LAD1: variants seen among roughly 807,000 people sequenced by gnomAD.
LAD1 encodes ladinin-1.
Under a neutral mutation model 54.2 loss-of-function variants are expected in LAD1, and 53 were observed. The observed-to-expected ratio is 0.98, with a 90% CI of 0.78 to 1.23. LAD1 has a LOEUF of 1.23. Among genes scored for constraint, LAD1 ranks in the 50% most tolerant of loss-of-function variants. The probability of loss-of-function intolerance (pLI) is 0.00; values close to 1 mark genes in which losing one functional copy is unlikely to be tolerated. For synonymous variants in LAD1, 231 were observed against 257.7 expected (o/e 0.90, Z 0.99); for missense variants, 637 against 653.3 (o/e 0.98, Z 0.27).
intron 1 of LAD1, among the ~76,000 whole-genome samples, chr1:201,395,084 G>T (rs1447144284): frequency 6.6e-6 from 1 of 152,196 alleles, no homozygotes; most frequent in African/African-American, 2.4e-5. Context: ...AGACCCCATA[G>T]CTCACCCAAG....
At chr1:201,385,926 C>A in intron 3 of LAD1, 121 bp from the exon 4 acceptor site, 2 of 734,410 alleles carry the variant, frequency 2.7e-6, no homozygotes, top group Non-Finnish European at 2.4e-6. Flanking sequence ...CAGCCCTGTG[C>A]CTTCTCTCCT....
At chr1:201,382,063 C>T (rs188925950) in intron 9 of LAD1, among the ~76,000 whole-genome samples, 170 bp from the exon 10 acceptor site, 1 of 152,204 alleles carries the variant, frequency 6.6e-6, no homozygotes, top group African/African-American at 2.4e-5. Flanking sequence ...CTGCAGGCAG[C>T]ACAACCAGGT....
chr1:201,393,034 T>A (rs2102359976), intron 1 of LAD1, among the ~76,000 whole-genome samples: 1 of 152,006 alleles, frequency 6.6e-6, no homozygotes, highest in Non-Finnish European at 1.5e-5. Flanking sequence ...ACTGCTAGAT[T>A]TTGGGCCCAA....
chr1:201,398,924 G>A (rs1230856114), intron 1 of LAD1, among the ~76,000 whole-genome samples: 1 of 152,200 alleles, frequency 6.6e-6, no homozygotes, highest in African/African-American at 2.4e-5. Context: ...TCTCAGGAAT[G>A]AGGCTTGGAG....
chr1:201,386,273 C>T, intron 3 of LAD1, 62 bp downstream of exon 3: 1 of 1,347,012 alleles, frequency 7.4e-7, no homozygotes, highest in South Asian at 2.0e-5. Flanking sequence ...CTGGGTGGGA[C>T]TGGCCGGCAG....
intron 1 of LAD1, among the ~76,000 whole-genome samples, chr1:201,398,467 A>G (rs959227920): frequency 3.3e-5 from 5 of 152,032 alleles, no homozygotes; most frequent in African/African-American, 1.2e-4. Context: ...CCAGTGGAGG[A>G]ATGAGGTGAA....
intron 3 of LAD1, 33 bp from the exon 4 acceptor site, chr1:201,385,838 G>C (rs1321934359): frequency 1.3e-6 from 2 of 1,506,588 alleles, no homozygotes; most frequent in South Asian, 2.3e-5. Context: ...CACATAAGAG[G>C]TCTAGGGCCC....
Position 201,382,374 on chromosome 1 carries a change from A to G in LAD1, c.1474-48T>C, listed in dbSNP as rs570301431. Reference sequence around the variant, plus strand: ...AGACCAGAGACTAAGACCAGGCTCCAAAGGGCTCGGGATACCCCAGGCCCA... The same window carrying G: ...AGACCAGAGACTAAGACCAGGCTCCGAAGGGCTCGGGATACCCCAGGCCCA... On this transcript the variant is annotated intron_variant, in intron 8 of 9. Transcript: ENST00000391967. 3.4e-6 allele frequency: 5 copies of G among 1,466,092 alleles called. No homozygotes were observed. In the African/African-American group the frequency reaches 6.9e-5, roughly 20 times the overall value. The allele number at this position is 1,466,092 out of a possible 1,614,324, so 90.8% of individuals were successfully genotyped here.
At chr1:201,391,081 T>C (rs1192269390) in intron 1 of LAD1, 2 of 456,158 alleles carry the variant, frequency 4.4e-6, no homozygotes, top group Admixed American at 2.4e-5. Flanking sequence ...CATTTACCCA[T>C]GGAAAAAACT....
chr1:201,397,058 C>A lies in LAD1; in HGVS notation c.38+2211G>T, dbSNP rs556806899. ...CAGCCAGCCAGCTCACCACTGCCCCCCCAATCCCAGGGTTGGAAGACTTGA... is the reference window on the plus strand; with the variant it reads ...CAGCCAGCCAGCTCACCACTGCCCCACCAATCCCAGGGTTGGAAGACTTGA... On this transcript the variant is annotated intron_variant, in intron 1 of 9. Transcript: ENST00000391967. 6.6e-5 allele frequency among the ~76,000 whole-genome samples: 10 copies of A among 152,330 alleles called. No individual in the cohort carries two copies. In the South Asian group the frequency reaches 2.1e-3, roughly 32 times the overall value.
At chr1:201,384,883 CGGT>C (rs1662042544) in intron 4 of LAD1, 48 bp from the exon 5 acceptor site, 3 of 1,596,218 alleles carry the variant, frequency 1.9e-6, no homozygotes, top group Non-Finnish European at 2.6e-6. Flanking sequence ...CCCGGGAAAT[CGGT>C]GGCCCCCTCG....
At position 201,386,976 on chromosome 1, in the gene LAD1, G is replaced by A. The variant is rs1179320868; in HGVS notation, c.385C>T (p.Gln129Ter). The change falls in exon 3 of 10, where the codon CAG becomes TAG. Residue 129 changes from glutamine (Q) to a stop codon, truncating the protein, a stop_gained. Coordinates refer to ENST00000391967, the MANE Select transcript of LAD1 (RefSeq NM_005558.4). LOFTEE classifies it high-confidence loss of function. The stretch of plus-strand genomic sequence containing the variant: ...TCCTTCTTGGAGACTAGGGGTTTCT[G>A]TGTGGCCTGCACAGGGCTCAAGCTG... ...RNSLSPVQAT[Q>*]KPLVSKKELE... 3 of 1,609,304 alleles carry A rather than the reference G, an allele frequency of 1.9e-6. No individual in the cohort carries two copies. Among genetic ancestry groups the A allele is most frequent in the Admixed American group, 1.7e-5 (1 of 58,960 alleles).
intron 7 of LAD1, 160 bp from the exon 8 acceptor site, chr1:201,382,899 G>A: frequency 1.0e-6 from 1 of 998,498 alleles, no homozygotes; most frequent in Non-Finnish European, 1.5e-6. Flanking sequence ...CCAGGGAGCT[G>A]TGTGCCCAGC....
At chr1:201,386,311 TG>T in intron 3 of LAD1, 23 bp downstream of exon 3, 1 of 730,462 alleles carries the variant, frequency 1.4e-6, no homozygotes. Context: ...AGTAGAAGGG[TG>T]GGAGGGACGG....
At chr1:201,399,235 C>A (rs1035686458) in intron 1 of LAD1, 34 bp downstream of exon 1, 5 of 1,518,480 alleles carry the variant, frequency 3.3e-6, no homozygotes, top group Non-Finnish European at 4.4e-6. Flanking sequence ...TCCCCGCCGA[C>A]CCCCCGCCCC....
At chr1:201,385,445 C>T (rs746458642) in intron 4 of LAD1, among the ~76,000 whole-genome samples, 1 of 152,192 alleles carries the variant, frequency 6.6e-6, no homozygotes, top group African/African-American at 2.4e-5. Context: ...CCCTGCCTGT[C>T]CGGTCTTCAT....
intron 2 of LAD1, among the ~76,000 whole-genome samples, chr1:201,388,696 A>AAAAG (rs1553292175): frequency 2.0e-5 from 3 of 151,800 alleles, no homozygotes; most frequent in African/African-American, 7.3e-5. Context: ...AAAAAAAAAA[A>AAAAG]AAGAAGTAAA....
At chr1:201,399,234 AC>A (rs775991944) in intron 1 of LAD1, 34 bp downstream of exon 1, 10 of 1,493,018 alleles carry the variant, frequency 6.7e-6, no homozygotes, top group African/African-American at 4.2e-5. Flanking sequence ...CTCCCCGCCG[AC>A]CCCCCGCCCC....
intron 2 of LAD1, among the ~76,000 whole-genome samples, chr1:201,388,888 G>T (rs2799675): frequency 6.6e-6 from 1 of 151,948 alleles, no homozygotes; most frequent in East Asian, 1.9e-4. Context: ...CTCTCTCTCA[G>T]GGACATTGTG....
Sources: allele counts gnomAD v4.1 joint callset (sites outside exome capture counted in the v4.1 genomes callset), GRCh38; gene constraint gnomAD v4.1.1; transcripts MANE v1.5; gene names NCBI Gene and HGNC (gene_info 2026-07-23, HGNC 2026-07-21).